Variants in MITF observed in about 807,000 individuals in gnomAD.
MITF encodes the protein microphthalmia-associated transcription factor.
In MITF, 17 loss-of-function variants were observed where a neutral mutation model predicts 60.5. The observed-to-expected ratio is 0.28, with a 90% CI of 0.19 to 0.42. MITF has a LOEUF of 0.42. Ranked by LOEUF, MITF falls within the 10% of genes least tolerant of loss-of-function variation. The probability of loss-of-function intolerance (pLI) is 1.00; values close to 1 mark genes in which losing one functional copy is unlikely to be tolerated. For synonymous variants in MITF, 260 were observed against 248.5 expected (o/e 1.05, Z -0.43); for missense variants, 622 against 683.5 (o/e 0.91, Z 1.00).
intron 1 of MITF, among the ~76,000 whole-genome samples, chr3:69,770,849 G>A (rs1361566730): frequency 6.6e-6 from 1 of 152,156 alleles, no homozygotes; most frequent in Non-Finnish European, 1.5e-5. Context: ...ATTAGGACAG[G>A]TTTCTTTGAA....
rs1488027083 is a variant in MITF at position 69,967,329 on chromosome 3, GAAC to G, written c.*2083_*2085del. ...CTAGAATAGTGACGCAAATCTGCAT[GAAC>G]AGCTAATTGTACCATAGTGTTCATT... On this transcript the variant is annotated 3_prime_UTR_variant, in exon 10 of 10. Transcript: ENST00000352241. 4.3e-6 allele frequency: 1 copy of G among 232,654 alleles called. No individual in the cohort carries two copies. The highest frequency in any genetic ancestry group is 2.2e-5 in the African/African-American group (1 of 45,256). The allele number at this position is 232,654 out of a possible 1,614,324, so 14.4% of individuals were successfully genotyped here. A position where few individuals can be genotyped will look rare whatever the true frequency, so the allele number is the denominator to read the frequency against.
chr3:69,741,531 A>C (rs1202714514), intron 1 of MITF, among the ~76,000 whole-genome samples: 8 of 152,180 alleles, frequency 5.3e-5, no homozygotes, highest in African/African-American at 1.7e-4. Flanking sequence ...AGAGTCAGCA[A>C]AAAAGACTTG....
intron 1 of MITF, among the ~76,000 whole-genome samples, chr3:69,874,033 C>G (rs1175561561): frequency 2.6e-5 from 4 of 152,168 alleles, no homozygotes; most frequent in Non-Finnish European, 5.9e-5. Context: ...CTCCTTTGCC[C>G]AGGAGGTTAA....
intron 1 of MITF, among the ~76,000 whole-genome samples, chr3:69,844,947 G>C (rs1389607665): frequency 6.6e-6 from 1 of 152,074 alleles, no homozygotes; most frequent in African/African-American, 2.4e-5. Context: ...CCTTAAAATA[G>C]AACAGGCACT....
chr3:69,774,307 A>G (rs1253253455), intron 1 of MITF, among the ~76,000 whole-genome samples: 1 of 152,142 alleles, frequency 6.6e-6, no homozygotes, highest in Admixed American at 6.5e-5. Context: ...TTATTAGAAG[A>G]TGGTTTAGGG....
Position 69,966,955 on chromosome 3 carries a change from A to G in MITF, c.*1707A>G. ...GTAGCATGGTGCCTATGTAGACAATATAAGAGCTTCCAATTTTCCTTCAGA... is the reference window on the plus strand; with the variant it reads ...GTAGCATGGTGCCTATGTAGACAATGTAAGAGCTTCCAATTTTCCTTCAGA... On this transcript the variant is annotated 3_prime_UTR_variant, in exon 10 of 10. Transcript: ENST00000352241. The G allele has an allele frequency of 8.6e-6, 2 of 232,522 alleles. No individual in the cohort carries two copies. The highest frequency in any genetic ancestry group is 1.7e-5 in the Non-Finnish European group (2 of 117,338). 14.4% of individuals were successfully genotyped at this position (232,522 alleles called of 1,614,324 possible).
intron 1 of MITF, among the ~76,000 whole-genome samples, chr3:69,792,617 A>C (rs759736077): frequency 9.2e-5 from 14 of 152,118 alleles, no homozygotes; most frequent in Non-Finnish European, 1.5e-4. Context: ...TATCTAGAGA[A>C]ATTTGTTTTT....
At chr3:69,936,726 C>T in intron 2 of MITF, 1 of 1,613,518 alleles carries the variant, frequency 6.2e-7, no homozygotes, top group South Asian at 1.1e-5. Flanking sequence ...CATTGTTATG[C>T]TGGAAATGCT....
chr3:69,905,528 A>T (rs2107365644), intron 2 of MITF, among the ~76,000 whole-genome samples: 1 of 152,166 alleles, frequency 6.6e-6, no homozygotes, highest in African/African-American at 2.4e-5. Context: ...CATATAGTAG[A>T]CATATATTTA....
At chr3:69,957,416 G>A (rs1280107669) in intron 8 of MITF, among the ~76,000 whole-genome samples, 1 of 152,158 alleles carries the variant, frequency 6.6e-6, no homozygotes, top group Non-Finnish European at 1.5e-5. Flanking sequence ...ACTGTTAGAG[G>A]ATTTGTAACA....
intron 1 of MITF, among the ~76,000 whole-genome samples, chr3:69,845,920 T>C (rs2063724475): frequency 6.6e-6 from 1 of 152,208 alleles, no homozygotes. Context: ...AAAAGAACAC[T>C]AGGTTAATTC....
intron 5 of MITF, among the ~76,000 whole-genome samples, chr3:69,944,809 G>A (rs2066054681): frequency 6.6e-6 from 1 of 152,130 alleles, no homozygotes; most frequent in Non-Finnish European, 1.5e-5. Context: ...CTCACTAAAA[G>A]TAAGTTACTA....
intron 3 of MITF, 68 bp from the exon 4 acceptor site, chr3:69,939,030 G>T (rs1202478353): frequency 6.3e-7 from 1 of 1,581,432 alleles, no homozygotes; most frequent in East Asian, 2.3e-5. Flanking sequence ...TCAGCTTTGT[G>T]TGAACAGGTC....
In MITF at chr3:69,756,945, T is replaced by C. The variant is rs191156288; in HGVS notation, c.104+17244T>C. On this transcript the variant is annotated intron_variant, in intron 1 of 9. Transcript: ENST00000352241. ...CATAAATGTCTTCTTTTGAGAAGTGTCTGTTGATATCCTTTGCCCACTTTT... is the reference window on the plus strand; with the variant it reads ...CATAAATGTCTTCTTTTGAGAAGTGCCTGTTGATATCCTTTGCCCACTTTT... Among the ~76,000 whole-genome samples the C allele has an allele frequency of 1.2e-4, 19 of 152,332 alleles. No individual in the cohort carries two copies. The East Asian group carries it at 3.5e-3, about 28-fold the overall frequency.
chr3:69,927,553 A>T (rs1380573303), intron 2 of MITF, among the ~76,000 whole-genome samples: 1 of 152,230 alleles, frequency 6.6e-6, no homozygotes, highest in East Asian at 1.9e-4. Context: ...TAAATTTGAT[A>T]TATGAAATTC....
chr3:69,809,074 C>T (rs1295142823), intron 1 of MITF, among the ~76,000 whole-genome samples: 1 of 152,118 alleles, frequency 6.6e-6, no homozygotes, highest in Non-Finnish European at 1.5e-5. Flanking sequence ...CAACAGGACT[C>T]TTCCAAACTT....
At chr3:69,873,017 A>G (rs1316281624) in intron 1 of MITF, among the ~76,000 whole-genome samples, 1 of 151,570 alleles carries the variant, frequency 6.6e-6, no homozygotes, top group East Asian at 1.9e-4. Flanking sequence ...TAGCTATGCC[A>G]GAGACCTGGA....
chr3:69,892,248 A>G (rs1227699230), intron 2 of MITF, among the ~76,000 whole-genome samples: 1 of 152,252 alleles, frequency 6.6e-6, no homozygotes, highest in African/African-American at 2.4e-5. Context: ...ACTTTTAAAA[A>G]TGATTGAAAG....
intron 6 of MITF, 144 bp downstream of exon 6, chr3:69,949,312 C>A: frequency 1.1e-5 from 7 of 618,834 alleles, no homozygotes; most frequent in Non-Finnish European, 1.5e-5. Context: ...AAACATTATG[C>A]AATATTTTAA....
Sources: allele counts gnomAD v4.1 joint callset (sites outside exome capture counted in the v4.1 genomes callset), GRCh38; gene constraint gnomAD v4.1.1; transcripts MANE v1.5; gene names NCBI Gene and HGNC (gene_info 2026-07-23, HGNC 2026-07-21).